The following SGSM2 variants were observed in gnomAD, a reference collection of about 807,000 sequenced individuals.
SGSM2 encodes RUN and TBC1 domain containing 1.
Under a neutral mutation model 126.6 loss-of-function variants are expected in SGSM2, and 89 were observed. The ratio of observed to expected loss-of-function variants is 0.70; its 90% CI spans 0.59 to 0.84. The LOEUF (loss-of-function observed/expected upper bound fraction) is 0.84, where lower values mean the gene tolerates loss of function less well. SGSM2 is among the 40% of genes least tolerant of loss of function. SGSM2 has a pLI of 0.00. For missense variants in SGSM2, 1,404 were observed against 1,416.6 expected, an observed-to-expected ratio of 0.99 and a Z score of 0.14; for synonymous variants, 614 against 574.3, an observed-to-expected ratio of 1.07 and a Z score of -0.99.
intron 1 of SGSM2, among the ~76,000 whole-genome samples, chr17:2,339,424 C>T (rs1190000387): frequency 2.0e-5 from 3 of 151,158 alleles, no homozygotes; most frequent in Non-Finnish European, 4.4e-5. Context: ...GACAGAGCAA[C>T]TCTCCGTCTA....
Position 2,360,069 on chromosome 17 carries a change from G to A in SGSM2, c.134-1568G>A, listed in dbSNP as rs150569486. On this transcript the variant is annotated intron_variant, in intron 2 of 23. Coordinates refer to ENST00000268989, the MANE Select transcript of SGSM2 (RefSeq NM_014853.3). ...AAAGATTTCCCCATGTGGGCCGGGCGCGGTGCCTCACGCCTGTAATCCCAG... is the reference window on the plus strand; with the variant it reads ...AAAGATTTCCCCATGTGGGCCGGGCACGGTGCCTCACGCCTGTAATCCCAG... Among the ~76,000 whole-genome samples the A allele has an allele frequency of 9.0e-4, 137 of 152,306 alleles. 1 individual carries two copies. In the East Asian group the frequency reaches 0.025, roughly 27 times the overall value.
Position 2,377,079 on chromosome 17 carries a change from T to A in SGSM2, c.2802+11T>A, listed in dbSNP as rs372053127. On this transcript the variant is annotated intron_variant, in intron 21 of 23. Coordinates refer to ENST00000268989, the MANE Select transcript of SGSM2 (RefSeq NM_014853.3). ...CGCTCCCTCATCCAGGTGAGGCCGG[T>A]TGCCACCCATGGGCATGGGAGCAGG... 348 of 1,586,804 alleles carry A rather than the reference T, an allele frequency of 2.2e-4. No individual in the cohort carries two copies. Among genetic ancestry groups the A allele is most frequent in the Non-Finnish European group, 2.8e-4 (330 of 1,158,474 alleles).
intron 2 of SGSM2, among the ~76,000 whole-genome samples, chr17:2,357,342 A>G (rs2065128477): frequency 6.6e-6 from 1 of 152,146 alleles, no homozygotes; most frequent in African/African-American, 2.4e-5. Flanking sequence ...CCCAGACTCC[A>G]AAGGCCACCA....
Position 2,375,134 on chromosome 17 carries a change from C to G in SGSM2, c.2101-358C>G, listed in dbSNP as rs1020005761. The G allele has an allele frequency of 5.4e-5, 11 of 203,910 alleles. No individual in the cohort carries two copies. The Admixed American group carries it at 5.6e-4, about 10-fold the overall frequency. 12.6% of individuals were successfully genotyped at this position (203,910 alleles called of 1,614,324 possible). A position where few individuals can be genotyped will look rare whatever the true frequency, so the allele number is the denominator to read the frequency against. Reference sequence around the variant, plus strand: ...CCCAGCCACACCAAAACACTAAGGCCATTCTCCCGGTCTCATGACTTCAGG... The same window carrying G: ...CCCAGCCACACCAAAACACTAAGGCGATTCTCCCGGTCTCATGACTTCAGG... On this transcript the variant is annotated intron_variant, in intron 17 of 23. Coordinates refer to ENST00000268989, the MANE Select transcript of SGSM2 (RefSeq NM_014853.3).
rs1417813883 is a variant in SGSM2, at chr17:2,370,304, C to A, written c.1424-958C>A. Among the ~76,000 whole-genome samples the A allele has an allele frequency of 2.6e-5, 4 of 152,258 alleles. No homozygotes were observed. In the East Asian group the frequency reaches 5.8e-4, roughly 22 times the overall value. On this transcript the variant is annotated intron_variant, in intron 12 of 23. Transcript: ENST00000268989. ...TGCTTCATGTCTGTGGCTCCCTGGA[C>A]CTGCCAGAGTCCCCCTTAAGCAGTG...
rs941358510 is a variant in SGSM2, at chr17:2,378,907, C to T, written c.2900-129C>T. The T allele has an allele frequency of 8.9e-6, 10 of 1,125,862 alleles. No individual in the cohort carries two copies. The African/African-American group carries it at 1.6e-4, about 17-fold the overall frequency. The allele number at this position is 1,125,862 out of a possible 1,614,324, so 69.7% of individuals were successfully genotyped here. ...GCCTGTGAGCAGCCAGTCCGGCCAG[C>T]ATCAGCCCCAGCCCCAGCCTCAGCC... On this transcript the variant is annotated intron_variant, in intron 22 of 23. Transcript: ENST00000268989.
chr17:2,339,757 G>A lies in SGSM2; in HGVS notation c.57+2012G>A, dbSNP rs140901684. Among the ~76,000 whole-genome samples, 195 of 151,320 alleles carry A rather than the reference G, an allele frequency of 1.3e-3. 1 individual carries two copies. The highest frequency in any genetic ancestry group is 2.6e-3 in the African/African-American group (108 of 41,236). On this transcript the variant is annotated intron_variant, in intron 1 of 23. Coordinates refer to ENST00000268989, the MANE Select transcript of SGSM2 (RefSeq NM_014853.3). Reference sequence around the variant, plus strand: ...GGAAATCTCTAGATGGTTCTCATGCGTTAGCCATGGCCTGGCTACTAGGCC... The same window carrying A: ...GGAAATCTCTAGATGGTTCTCATGCATTAGCCATGGCCTGGCTACTAGGCC...
chr17:2,363,417 G>C lies in SGSM2; in HGVS notation c.673-48G>C. ...GGAAGCGTGAGGGTTCCCAAGCCTT[G>C]AGGCCAGTTTCCCAAGGCTGGAGGC... On this transcript the variant is annotated intron_variant, in intron 6 of 23. Transcript: ENST00000268989. This position sits in a 1 kb window ranked among gnomAD's most constrained non-coding sequence, Gnocchi z 4.2. 1 of 1,609,014 alleles carries C rather than the reference G, an allele frequency of 6.2e-7. No individual in the cohort carries two copies. The highest frequency in any genetic ancestry group is 8.5e-7 in the Non-Finnish European group (1 of 1,179,370).
At chr17:2,345,304 A>C (rs542914316) in intron 2 of SGSM2, among the ~76,000 whole-genome samples, 1 of 152,166 alleles carries the variant, frequency 6.6e-6, no homozygotes, top group South Asian at 2.1e-4. Context: ...TCTACTAAAA[A>C]TACAAAAATT....
chr17:2,380,553 G>C lies in SGSM2; in HGVS notation c.*1033G>C. The C allele has an allele frequency of 3.5e-6, 2 of 566,896 alleles. No individual in the cohort carries two copies. Among genetic ancestry groups the C allele is most frequent in the South Asian group, 2.0e-5 (1 of 49,754 alleles). The allele number at this position is 566,896 out of a possible 1,614,324, so 35.1% of individuals were successfully genotyped here. A position where few individuals can be genotyped will look rare whatever the true frequency, so the allele number is the denominator to read the frequency against. On this transcript the variant is annotated 3_prime_UTR_variant, in exon 24 of 24. Coordinates refer to ENST00000268989, the MANE Select transcript of SGSM2 (RefSeq NM_014853.3). ...TTCCACATGCTTCTCAGGATGCCAA[G>C]AGGCCTAGGAACCCAGAAACCCCCT...
chr17:2,366,261 C>A (rs1369357425), intron 11 of SGSM2, among the ~76,000 whole-genome samples: 2 of 152,128 alleles, frequency 1.3e-5, no homozygotes, highest in Non-Finnish European at 1.5e-5. Flanking sequence ...CCAAGGGGGT[C>A]TCTCTGTCTA....
Position 2,363,523 on chromosome 17 carries a change from G to A in SGSM2, c.731G>A (p.Arg244His), listed in dbSNP as rs762725574. The part of the protein sequence containing the change: ...ASEDRLAACA[R>H]ECVESLHQNS... ...GAGGACAGGCTGGCTGCCTGTGCCC[G>A]CGAGTGTGTGGAGTCCCTGCACCAG... Residue 244 changes from arginine (R) to histidine (H), a missense_variant, in exon 7 of 24, where the codon CGC (arginine) becomes CAC (histidine). By Grantham distance (29) the Arg-to-His change is conservative. Coordinates refer to ENST00000268989, the MANE Select transcript of SGSM2 (RefSeq NM_014853.3). The surrounding 1 kb of genome is among the most constrained non-coding windows in gnomAD (Gnocchi z 4.2). 12 of 1,613,328 alleles carry A rather than the reference G, an allele frequency of 7.4e-6. No individual in the cohort carries two copies. The highest frequency in any genetic ancestry group is 4.5e-5 in the East Asian group (2 of 44,894).
At position 2,377,038 on chromosome 17, in the gene SGSM2, C is replaced by G. The variant is rs2066198717; in HGVS notation, c.2772C>G (p.Thr924=). The G allele has an allele frequency of 1.2e-6, 2 of 1,613,682 alleles. No homozygotes were observed. Among genetic ancestry groups the G allele is most frequent in the Non-Finnish European group, 1.7e-6 (2 of 1,179,834 alleles). ...TCCCCAACGGGGGTGCCATGGACAC[C>G]CACTTTGCCAACATGCGCTCCCTCA... ...QNFPNGGAMD[T]HFANMRSLIQ... is the part of the protein sequence containing the mutation. Residue 924 remains threonine, a synonymous_variant, in exon 21 of 24, where the codon ACC becomes ACG. Transcript: ENST00000268989.
At chr17:2,374,761 G>C (rs552884905) in intron 17 of SGSM2, among the ~76,000 whole-genome samples, 1 of 152,210 alleles carries the variant, frequency 6.6e-6, no homozygotes, top group South Asian at 2.1e-4. Flanking sequence ...CCTCGCTGGC[G>C]TATTAGATTG....
Position 2,375,704 on chromosome 17 carries a change from G to A in SGSM2, c.2313G>A (p.Gly771=), listed in dbSNP as rs764375765. The change falls in exon 18 of 24, where the codon GGG becomes GGA. Residue 771 remains glycine, a synonymous_variant. Coordinates refer to ENST00000268989, the MANE Select transcript of SGSM2 (RefSeq NM_014853.3). ...ASGIQSSLDE[G]QSVGFEEEDG... is the part of the protein sequence containing the mutation. Reference sequence around the variant, plus strand: ...GCATCCAGTCAAGCCTAGATGAGGGGCAGAGCGTGGGCTTCGAAGAGGAGG... The same window carrying A: ...GCATCCAGTCAAGCCTAGATGAGGGACAGAGCGTGGGCTTCGAAGAGGAGG... The A allele has an allele frequency of 1.9e-6, 3 of 1,612,670 alleles. No individual in the cohort carries two copies. In the South Asian group the frequency reaches 3.3e-5, roughly 18 times the overall value.
At chr17:2,340,207 T>C (rs950277806) in intron 1 of SGSM2, among the ~76,000 whole-genome samples, 4 of 151,480 alleles carry the variant, frequency 2.6e-5, no homozygotes, top group Middle Eastern at 3.5e-3. Flanking sequence ...CTCCAGCTCC[T>C]GGGTTCAAGC....
At position 2,363,104 on chromosome 17, in the gene SGSM2, G is replaced by A; in HGVS notation, c.642G>A (p.Gln214=). 2 of 1,611,036 alleles carry A rather than the reference G, an allele frequency of 1.2e-6. No homozygotes were observed. Among genetic ancestry groups the A allele is most frequent in the Non-Finnish European group, 1.7e-6 (2 of 1,179,130 alleles). The change falls in exon 6 of 24, where the codon CAG becomes CAA. Residue 214 remains glutamine (Q), a synonymous_variant. Transcript: ENST00000268989. This position sits in a 1 kb window ranked among gnomAD's most constrained non-coding sequence, Gnocchi z 4.2. ...RHRIRGPPTR[Q]DSPAKRPALG... is the part of the protein sequence containing the mutation. ...GCATCCGGGGTCCACCTACTCGCCA[G>A]GACTCCCCTGCAAAGCGCCCAGCCC...
chr17:2,379,776 G>A lies in SGSM2; in HGVS notation c.*256G>A. Reference sequence around the variant, plus strand: ...CTGCCTTGGGGGACACACCTACTCTGCTCCCCTCTCACACATCTGGGAGTA... The same window carrying A: ...CTGCCTTGGGGGACACACCTACTCTACTCCCCTCTCACACATCTGGGAGTA... On this transcript the variant is annotated 3_prime_UTR_variant, in exon 24 of 24. Transcript: ENST00000268989. 7.3e-7 allele frequency: 1 copy of A among 1,364,336 alleles called. No homozygotes were observed. Among genetic ancestry groups the A allele is most frequent in the Non-Finnish European group, 9.5e-7 (1 of 1,055,850 alleles). The allele number at this position is 1,364,336 out of a possible 1,614,324, so 84.5% of individuals were successfully genotyped here.
rs762546024 is a variant in SGSM2 at position 2,364,884 on chromosome 17, C to T, written c.1001-13C>T. 1.9e-5 allele frequency: 30 copies of T among 1,606,442 alleles called. 1 individual carries two copies. The highest frequency in any genetic ancestry group is 1.6e-4 in the East Asian group (7 of 44,882). On this transcript the variant is annotated splice_polypyrimidine_tract_variant and intron_variant, in intron 9 of 23. Coordinates refer to ENST00000268989, the MANE Select transcript of SGSM2 (RefSeq NM_014853.3). ...GAGAGGGCCTCAGCCGCACTCTCCACGTTCACCCCCAGAGAGCGGTGGCAC... is the reference window on the plus strand; with the variant it reads ...GAGAGGGCCTCAGCCGCACTCTCCATGTTCACCCCCAGAGAGCGGTGGCAC...
Sources: gnomAD v4.1 joint callset for allele counts (sites outside exome capture counted in the v4.1 genomes callset) on GRCh38, gnomAD v4.1.1 for gene constraint, Gnocchi (gnomAD v3.1) non-coding constraint, MANE v1.5 for transcripts, NCBI Gene and HGNC (gene_info 2026-07-23, HGNC 2026-07-21) for gene names.